The following KLF8 variants were observed in gnomAD, a reference collection of about 807,000 sequenced individuals.
KLF8 encodes the protein KLF transcription factor 8.
KLF8 carries 10 observed loss-of-function variants against 18.2 expected under a neutral mutation model. The observed-to-expected ratio is 0.55, with a 90% CI of 0.34 to 0.93. KLF8 has a LOEUF of 0.93. Among genes scored for constraint, KLF8 ranks in the 40% least tolerant of loss-of-function variants. The probability of loss-of-function intolerance (pLI) is 0.02; values close to 1 mark genes in which losing one functional copy is unlikely to be tolerated. For missense variants in KLF8, 264 were observed against 277.9 expected (o/e 0.95, Z 0.36); for synonymous variants, 109 against 97.3 (o/e 1.12, Z -0.71).
At chrX:56,219,714 T>C in the KLF8 span, among the ~76,000 whole-genome samples, 8 of 111,110 alleles carry the variant, frequency 7.2e-5, no homozygotes, top group South Asian at 3.1e-3. Flanking sequence ...TAGCTGGGCA[T>C]GGTGGCACGT....
At chrX:56,187,182 A>C in the KLF8 span, among the ~76,000 whole-genome samples, 1,363 of 111,926 alleles carry the variant, frequency 0.012, 16 homozygotes, top group African/African-American at 0.042. Context: ...AAAAAATGAT[A>C]AAGGGGATAT....
At chrX:56,142,483 TTGTA>T in the KLF8 span, among the ~76,000 whole-genome samples, 1 of 111,302 alleles carries the variant, frequency 9.0e-6, no homozygotes, top group Non-Finnish European at 1.9e-5. Flanking sequence ...GCTTGTTTCT[TTGTA>T]TGCTCGCTTT....
chrX:56,249,067 A>G (rs2147602662), intron 1 of KLF8, among the ~76,000 whole-genome samples: 1 of 112,527 alleles, frequency 8.9e-6, no homozygotes, highest in African/African-American at 3.2e-5. Flanking sequence ...ATTGGAAGTC[A>G]GTTTTCTTAA....
the KLF8 span, among the ~76,000 whole-genome samples, chrX:56,098,730 G>T: frequency 9.0e-6 from 1 of 111,298 alleles, no homozygotes; most frequent in African/African-American, 3.3e-5. Flanking sequence ...GGAAGTCGTA[G>T]CCAGAGGAAT....
chrX:56,218,274 A>T, the KLF8 span, among the ~76,000 whole-genome samples: 2 of 111,023 alleles, frequency 1.8e-5, no homozygotes, highest in African/African-American at 6.5e-5. Flanking sequence ...GTGAGGTAAT[A>T]TACTTAGGCT....
At chrX:56,172,845 T>C in the KLF8 span, among the ~76,000 whole-genome samples, 1 of 112,401 alleles carries the variant, frequency 8.9e-6, no homozygotes, top group East Asian at 2.8e-4. Context: ...TTTGCATTTC[T>C]CTGATAGCCA....
At chrX:56,112,121 G>A in the KLF8 span, among the ~76,000 whole-genome samples, 2 of 111,848 alleles carry the variant, frequency 1.8e-5, no homozygotes, top group Non-Finnish European at 3.8e-5. Flanking sequence ...AGAAAATGTG[G>A]TGCATATACA....
At chrX:56,183,664 A>G in the KLF8 span, among the ~76,000 whole-genome samples, 1 of 111,714 alleles carries the variant, frequency 9.0e-6, no homozygotes, top group South Asian at 3.8e-4. Context: ...CAAAAACTAA[A>G]AAGCATGAAA....
chrX:56,048,603 T>C, the KLF8 span, among the ~76,000 whole-genome samples: 4 of 111,385 alleles, frequency 3.6e-5, no homozygotes, highest in South Asian at 7.5e-4. Context: ...TTTATGAGGG[T>C]TCTGTTCTGT....
the KLF8 span, among the ~76,000 whole-genome samples, chrX:55,990,848 C>G: frequency 9.0e-6 from 1 of 111,656 alleles, no homozygotes; most frequent in Non-Finnish European, 1.9e-5. Context: ...GCTGCCTGAT[C>G]ATTCCTCTGG....
At chrX:56,122,222 C>A in the KLF8 span, among the ~76,000 whole-genome samples, 1 of 111,028 alleles carries the variant, frequency 9.0e-6, no homozygotes, top group South Asian at 3.8e-4. Flanking sequence ...ATGAAAAAAA[C>A]AAAATGTGAA....
chrX:55,937,538 A>C, the KLF8 span, among the ~76,000 whole-genome samples: 23 of 112,587 alleles, frequency 2.0e-4, no homozygotes, highest in African/African-American at 7.4e-4. Flanking sequence ...GACTTTGACG[A>C]GTTGAGAGAA....
chrX:56,182,242 G>A, the KLF8 span, among the ~76,000 whole-genome samples: 2 of 112,154 alleles, frequency 1.8e-5, no homozygotes, highest in African/African-American at 6.5e-5. Flanking sequence ...CTTTCTTCCA[G>A]TTGATCGAAT....
chrX:55,910,531 A>G, the KLF8 span, among the ~76,000 whole-genome samples: 1 of 111,826 alleles, frequency 8.9e-6, no homozygotes, highest in Non-Finnish European at 1.9e-5. Context: ...TGGTATGTTC[A>G]AAGAATAGTA....
At chrX:56,199,571 T>C in the KLF8 span, among the ~76,000 whole-genome samples, 4 of 111,579 alleles carry the variant, frequency 3.6e-5, no homozygotes, top group East Asian at 8.4e-4. Context: ...CATTAAAAAG[T>C]CAGGAAAAAA....
At chrX:56,010,083 A>C in the KLF8 span, among the ~76,000 whole-genome samples, 1 of 112,090 alleles carries the variant, frequency 8.9e-6, no homozygotes, top group African/African-American at 3.2e-5. Context: ...AAGACAGGCC[A>C]ACATTCAAAT....
chrX:56,189,717 G>T, the KLF8 span, among the ~76,000 whole-genome samples: 2 of 109,438 alleles, frequency 1.8e-5, no homozygotes, highest in Non-Finnish European at 3.8e-5. Context: ...CATGTCCTTT[G>T]TAGGGACATG....
the KLF8 span, among the ~76,000 whole-genome samples, chrX:56,051,220 C>G: frequency 9.0e-6 from 1 of 111,367 alleles, no homozygotes; most frequent in Admixed American, 9.5e-5. Context: ...GACTCTTTAT[C>G]CAATTTGCCA....
the KLF8 span, among the ~76,000 whole-genome samples, chrX:55,994,648 C>A: frequency 1.3e-4 from 15 of 111,260 alleles, no homozygotes; most frequent in African/African-American, 4.9e-4. Context: ...TCAAAGAATT[C>A]TTTGATTTCT....
Sources: gnomAD v4.1 joint callset for allele counts (sites outside exome capture counted in the v4.1 genomes callset) on GRCh38, gnomAD v4.1.1 for gene constraint, MANE v1.5 for transcripts, NCBI Gene and HGNC (gene_info 2026-07-23, HGNC 2026-07-21) for gene names.